LSAMP: variants seen among roughly 807,000 people sequenced by gnomAD.
LSAMP encodes the protein limbic system-associated membrane protein.
Under a neutral mutation model 38.6 loss-of-function variants are expected in LSAMP, and 7 were observed. That is an observed-to-expected ratio of 0.18 (90% CI 0.10 to 0.34). The LOEUF is 0.34. Among genes scored for constraint, LSAMP ranks in the 10% least tolerant of loss-of-function variants. The pLI, the probability that LSAMP is intolerant of heterozygous loss-of-function variation, is 1.00. For missense variants in LSAMP, 313 were observed against 420.0 expected, an observed-to-expected ratio of 0.75 and a Z score of 2.23; for synonymous variants, 154 against 166.8, an observed-to-expected ratio of 0.92 and a Z score of 0.59.
intron 1 of LSAMP, among the ~76,000 whole-genome samples, chr3:116,256,167 A>G (rs1185801050): frequency 7.9e-5 from 12 of 152,196 alleles, no homozygotes. Context: ...TAATTACGAA[A>G]TTGTATGCCT....
chr3:115,889,812 G>A (rs1019886792), intron 3 of LSAMP, among the ~76,000 whole-genome samples: 9 of 151,906 alleles, frequency 5.9e-5, no homozygotes, highest in African/African-American at 9.7e-5. Context: ...ATTGAGCACC[G>A]CAAAACGAAT....
intron 1 of LSAMP, among the ~76,000 whole-genome samples, chr3:116,237,051 A>C (rs2107634262): frequency 6.6e-6 from 1 of 152,088 alleles, no homozygotes; most frequent in South Asian, 2.1e-4. Context: ...TGTAAGGTAA[A>C]ATTGAAGACA....
intron 1 of LSAMP, among the ~76,000 whole-genome samples, chr3:116,113,495 G>C (rs1313059967): frequency 7.9e-6 from 1 of 127,002 alleles, no homozygotes; most frequent in African/African-American, 3.0e-5. Context: ...GCGGGATCTC[G>C]GCTCACTGCA....
At chr3:116,007,128 A>G (rs1050801205) in intron 3 of LSAMP, among the ~76,000 whole-genome samples, 6 of 152,030 alleles carry the variant, frequency 3.9e-5, no homozygotes, top group African/African-American at 1.4e-4. Flanking sequence ...TTCTCTTCCC[A>G]TCATCAGATT....
At chr3:116,147,032 A>C (rs1338130880) in intron 1 of LSAMP, among the ~76,000 whole-genome samples, 2 of 151,892 alleles carry the variant, frequency 1.3e-5, no homozygotes, top group African/African-American at 2.4e-5. Context: ...AAGTTGGATC[A>C]TCATCTTCCT....
chr3:116,109,050 C>T (rs1708536260), intron 1 of LSAMP, among the ~76,000 whole-genome samples: 1 of 151,010 alleles, frequency 6.6e-6, no homozygotes, highest in South Asian at 2.1e-4. Context: ...GGCCTTTTGA[C>T]CTTTTAGGGT....
intron 3 of LSAMP, among the ~76,000 whole-genome samples, chr3:115,998,419 A>G (rs1040950956): frequency 1.3e-5 from 2 of 152,082 alleles, no homozygotes; most frequent in Non-Finnish European, 2.9e-5. Context: ...GATGGGATTG[A>G]ACTGGTGTTT....
At chr3:115,966,009 A>G (rs1424976801) in intron 3 of LSAMP, among the ~76,000 whole-genome samples, 1 of 152,176 alleles carries the variant, frequency 6.6e-6, no homozygotes, top group Non-Finnish European at 1.5e-5. Context: ...AGATTTCTCT[A>G]TTGTTAGCTG....
At position 116,296,716 on chromosome 3, in the gene LSAMP, A is replaced by G. The variant is rs111441595; in HGVS notation, c.155+148161T>C. ...TCTCAAAAAAAAAAAAAAAAAAAAA[A>G]AAAAAAAGAAACCCATAAAGGTCTA... On this transcript the variant is annotated intron_variant, in intron 1 of 6. Transcript: ENST00000490035. Among the ~76,000 whole-genome samples, 1,495 of 150,594 alleles carry G rather than the reference A, an allele frequency of 9.9e-3. 25 individuals are homozygous for G. Among genetic ancestry groups the G allele is most frequent in the African/African-American group, 0.032 (1,305 of 40,958 alleles).
At chr3:116,017,212 G>C (rs767185216) in intron 3 of LSAMP, among the ~76,000 whole-genome samples, 8 of 152,070 alleles carry the variant, frequency 5.3e-5, no homozygotes, top group Admixed American at 2.0e-4. Flanking sequence ...AAATTCAAGG[G>C]ATAAAAAGGA....
chr3:116,164,762 T>TATATA (rs71999509), intron 1 of LSAMP, among the ~76,000 whole-genome samples: 20 of 36,178 alleles, frequency 5.5e-4, no homozygotes, highest in East Asian at 3.6e-3. Flanking sequence ...ATATATATAT[T>TATATA]TTTTTTTTTT....
chr3:116,307,323 A>G (rs1436934834), intron 1 of LSAMP, among the ~76,000 whole-genome samples: 2 of 152,006 alleles, frequency 1.3e-5, no homozygotes, highest in South Asian at 4.1e-4. Flanking sequence ...TACTTTTTAA[A>G]TTATTTTTAG....
At chr3:116,276,333 G>T (rs2047051175) in intron 1 of LSAMP, among the ~76,000 whole-genome samples, 1 of 152,174 alleles carries the variant, frequency 6.6e-6, no homozygotes, top group Non-Finnish European at 1.5e-5. Context: ...TCAACATTCA[G>T]AACGTATAGA....
intron 2 of LSAMP, among the ~76,000 whole-genome samples, chr3:116,028,969 A>G (rs1178543873): frequency 6.6e-6 from 1 of 152,152 alleles, no homozygotes; most frequent in Non-Finnish European, 1.5e-5. Context: ...AAAAAGTGAC[A>G]CAAAAATGCA....
At chr3:116,253,260 A>T (rs1373505177) in intron 1 of LSAMP, among the ~76,000 whole-genome samples, 1 of 152,190 alleles carries the variant, frequency 6.6e-6, no homozygotes, top group East Asian at 1.9e-4. Context: ...GCACATACTG[A>T]CCAACGTGAT....
intron 3 of LSAMP, among the ~76,000 whole-genome samples, chr3:115,946,677 G>A (rs912454332): frequency 6.6e-5 from 10 of 151,958 alleles, no homozygotes; most frequent in Admixed American, 2.0e-4. Flanking sequence ...CAAGCCCTTC[G>A]TTGGAAAATT....
chr3:116,309,079 C>T (rs1167660300), intron 1 of LSAMP, among the ~76,000 whole-genome samples: 3 of 151,950 alleles, frequency 2.0e-5, no homozygotes, highest in Non-Finnish European at 4.4e-5. Flanking sequence ...AAATAGAGTT[C>T]CTACGGAACA....
intron 3 of LSAMP, among the ~76,000 whole-genome samples, chr3:115,865,774 T>C (rs1456626864): frequency 6.6e-6 from 1 of 152,198 alleles, no homozygotes; most frequent in Non-Finnish European, 1.5e-5. Context: ...CTGATCTTAC[T>C]AGTTTGGCAT....
chr3:116,415,887 G>T (rs1404808830), intron 1 of LSAMP, among the ~76,000 whole-genome samples: 1 of 152,012 alleles, frequency 6.6e-6, no homozygotes, highest in Non-Finnish European at 1.5e-5. Flanking sequence ...TAGGGATCGG[G>T]GTGAAAGAAG....
Sources: gnomAD v4.1 joint callset for allele counts (sites outside exome capture counted in the v4.1 genomes callset) on GRCh38, gnomAD v4.1.1 for gene constraint, MANE v1.5 for transcripts, NCBI Gene and HGNC (gene_info 2026-07-23, HGNC 2026-07-21) for gene names.